The following TRANK1 variants were observed in gnomAD, a reference collection of about 807,000 sequenced individuals.
The protein encoded by TRANK1 is TPR and ankyrin repeat-containing protein 1.
Under a neutral mutation model 266.0 loss-of-function variants are expected in TRANK1, and 198 were observed. The observed-to-expected ratio is 0.74, with a 90% CI of 0.66 to 0.84. TRANK1 has a LOEUF of 0.84. Among genes scored for constraint, TRANK1 ranks in the 40% least tolerant of loss-of-function variants. The pLI is 0.00. For synonymous variants in TRANK1, 1,396 were observed against 1,384.1 expected, an observed-to-expected ratio of 1.01 and a Z score of -0.19; for missense variants, 3,326 against 3,634.6, an observed-to-expected ratio of 0.92 and a Z score of 2.18.
rs1180042549 is a variant in TRANK1 at position 36,918,606 on chromosome 3, G to GGAAAGAAAGAAAGAAAGAAAGAAA, written c.24-10176_24-10153dup. 2.2e-3 allele frequency among the ~76,000 whole-genome samples: 48 copies of GGAAAGAAAGAAAGAAAGAAAGAAA among 22,128 alleles called. 3 individuals are homozygous for GGAAAGAAAGAAAGAAAGAAAGAAA. The highest frequency in any genetic ancestry group is 2.9e-3 in the Non-Finnish European group (29 of 9,846). 14.5% of individuals were successfully genotyped at this position (22,128 alleles called of 152,430 possible). On this transcript the variant is annotated intron_variant, in intron 1 of 23. Transcript: ENST00000645898. ...AGGAAGGAAGGAAGGAAGGAAGGAA[G>GGAAAGAAAGAAAGAAAGAAAGAAA]GAAAGAAAGAAAGAAAGAAAGAAAG...
In TRANK1 at chr3:36,832,275, G is replaced by A. The variant is rs758456141; in HGVS notation, c.7308C>T (p.Val2436=). Residue 2436 remains valine (V), a synonymous_variant, in exon 22 of 24, where the codon GTC becomes GTT. Coordinates refer to ENST00000645898, the MANE Select transcript of TRANK1 (RefSeq NM_001329998.2). ...GTGGTTCTTTGCACCTCTTGATGAG[G>A]ACATTCATGAAACGGAAAAAGAGCC... is the stretch of plus-strand genomic sequence containing the variant. ...YKRLFFRFMN[V]LIKRCKEPLI... is the part of the protein sequence containing the mutation. The A allele has an allele frequency of 1.2e-6, 2 of 1,613,836 alleles. No homozygotes were observed. The highest frequency in any genetic ancestry group is 1.3e-5 in the African/African-American group (1 of 74,906).
chr3:36,834,014 C>T (rs1005100920), intron 21 of TRANK1, 95 bp from the exon 22 acceptor site: 52 of 1,245,016 alleles, frequency 4.2e-5, no homozygotes, highest in Non-Finnish European at 5.6e-5. Context: ...AAATAAAACT[C>T]CCACATGTAG....
At position 36,940,269 on chromosome 3, in the gene TRANK1, G is replaced by A. The variant is rs185204782; in HGVS notation, c.23+4518C>T. Among the ~76,000 whole-genome samples the A allele has an allele frequency of 6.7e-3, 1,021 of 151,512 alleles. 11 individuals carry two copies. Among genetic ancestry groups the A allele is most frequent in the African/African-American group, 0.023 (937 of 41,438 alleles). Reference sequence around the variant, plus strand: ...TCCCAGCACTTTGGGAGGCCGAGGCGGGTGGATCACGAGGTCAGGAGATCG... The same window carrying A: ...TCCCAGCACTTTGGGAGGCCGAGGCAGGTGGATCACGAGGTCAGGAGATCG... On this transcript the variant is annotated intron_variant, in intron 1 of 23. Coordinates refer to ENST00000645898, the MANE Select transcript of TRANK1 (RefSeq NM_001329998.2).
intron 7 of TRANK1, 143 bp from the exon 8 acceptor site, chr3:36,890,103 G>A: frequency 1.8e-6 from 2 of 1,121,312 alleles, no homozygotes; most frequent in African/African-American, 1.6e-5. Context: ...GTAACCAAAT[G>A]AGGAATCCAA....
chr3:36,883,027 G>A (rs114697031), intron 8 of TRANK1, among the ~76,000 whole-genome samples: 2,169 of 151,994 alleles, frequency 0.014, 65 homozygotes, highest in African/African-American at 0.049. Context: ...ATACATTGTC[G>A]GTGGTAACGC....
chr3:36,864,456 G>A lies in TRANK1; in HGVS notation c.1103C>T (p.Thr368Ile), dbSNP rs1041010875. The part of the protein sequence containing the change: ...LSGFSNGDGP[T>I]SENDIFRKVL... The stretch of plus-strand genomic sequence containing the variant: ...CTTCCTGAAAATGTCGTTTTCACTA[G>A]TGGGTCCATCACCATTGCTGAATCC... The change falls in exon 10 of 24, where the codon ACT becomes ATT. Residue 368 changes from threonine (T) to isoleucine (I), a missense_variant. Thr to Ile is a moderately conservative substitution (Grantham distance 89, BLOSUM62 -1). Transcript: ENST00000645898. 12 of 1,535,906 alleles carry A rather than the reference G, an allele frequency of 7.8e-6. No homozygotes were observed. The Admixed American group carries it at 1.4e-4, about 18-fold the overall frequency.
chr3:36,903,261 TCCCTCGGGGGAA>T lies in TRANK1; in HGVS notation c.158_169del (p.Val53_Arg56del). ...TTTGTTGCACAGCAGCACAGCCAAGTCCCTCGGGGGAACCCTGTAAGAACAAACCGGTGGTCT... is the reference window on the plus strand; with the variant it reads ...TTTGTTGCACAGCAGCACAGCCAAGTCCCTGTAAGAACAAACCGGTGGTCT... On this transcript the variant is annotated inframe_deletion and splice_region_variant, in exon 3 of 24. Transcript: ENST00000645898. The T allele has an allele frequency of 3.9e-6, 6 of 1,537,274 alleles. No individual in the cohort carries two copies. Among genetic ancestry groups the T allele is most frequent in the Non-Finnish European group, 5.2e-6 (6 of 1,146,906 alleles).
chr3:36,856,563 C>T lies in TRANK1; in HGVS notation c.3159G>A (p.Arg1053=), dbSNP rs752798320. ...DTTATVEYPF[R]VGELEYAVID... is the part of the protein sequence containing the mutation. Reference sequence around the variant, plus strand: ...TCACCGCGTACTCAAGCTCACCCACCCGGAAGGGGTACTCCACTGTGGCTG... The same window carrying T: ...TCACCGCGTACTCAAGCTCACCCACTCGGAAGGGGTACTCCACTGTGGCTG... The change falls in exon 13 of 24, where the codon CGG becomes CGA. Residue 1053 remains arginine (R), a synonymous_variant. Coordinates refer to ENST00000645898, the MANE Select transcript of TRANK1 (RefSeq NM_001329998.2). 8 of 1,613,870 alleles carry T rather than the reference C, an allele frequency of 5.0e-6. No homozygotes were observed. The highest frequency in any genetic ancestry group is 4.0e-5 in the African/African-American group (3 of 74,932).
Position 36,832,460 on chromosome 3 carries a change from C to T in TRANK1, c.7123G>A (p.Gly2375Arg), listed in dbSNP as rs2078709674. Residue 2375 changes from glycine (G) to arginine (R), a missense_variant, in exon 22 of 24, where the codon GGG (glycine) becomes AGG (arginine). By Grantham distance (125) the Gly-to-Arg change is moderately radical (BLOSUM62 -2). Coordinates refer to ENST00000645898, the MANE Select transcript of TRANK1 (RefSeq NM_001329998.2). ...ATTCCTTTTATCCTGCTGCCTCTCCCCCTGCCCCTTTCATCCTTTTCAGAC... is the reference window on the plus strand; with the variant it reads ...ATTCCTTTTATCCTGCTGCCTCTCCTCCTGCCCCTTTCATCCTTTTCAGAC... Reference protein sequence around the residue: ...LESEKDERGRGRGSRIKGIEG... With the variant: ...LESEKDERGRRRGSRIKGIEG... The T allele has an allele frequency of 6.2e-7, 1 of 1,613,856 alleles. No homozygotes were observed. Among genetic ancestry groups the T allele is most frequent in the Non-Finnish European group, 8.5e-7 (1 of 1,179,898 alleles).
chr3:36,873,794 C>T (rs899644045), intron 9 of TRANK1, among the ~76,000 whole-genome samples: 3 of 151,642 alleles, frequency 2.0e-5, no homozygotes, highest in Admixed American at 1.3e-4. Flanking sequence ...AAGGAATAGA[C>T]TTGATTTTGT....
At chr3:36,868,828 G>A (rs2079264124) in intron 9 of TRANK1, among the ~76,000 whole-genome samples, 1 of 152,162 alleles carries the variant, frequency 6.6e-6, no homozygotes, top group Non-Finnish European at 1.5e-5. Context: ...CACTGTCCTG[G>A]TGCTGAGCAC....
Position 36,856,190 on chromosome 3 carries a change from C to T in TRANK1, c.3532G>A (p.Val1178Ile), listed in dbSNP as rs878986783. The T allele has an allele frequency of 3.7e-6, 6 of 1,613,984 alleles. No homozygotes were observed. The highest frequency in any genetic ancestry group is 3.3e-5 in the South Asian group (3 of 91,086). The change falls in exon 13 of 24, where the codon GTA (valine) becomes ATA (isoleucine). Residue 1178 changes from valine to isoleucine, a missense_variant. Val to Ile is a conservative substitution (Grantham distance 29). Coordinates refer to ENST00000645898, the MANE Select transcript of TRANK1 (RefSeq NM_001329998.2). The stretch of plus-strand genomic sequence containing the variant: ...TGGTGGGGATGTTCTGGTGCACATA[C>T]TTCTGCAGCTTGGCCGTCCCCTGCT... The part of the protein sequence containing the change: ...EPAGDGQAAE[V>I]CAPEHPHQLE...
intron 8 of TRANK1, among the ~76,000 whole-genome samples, chr3:36,885,840 A>G (rs972432152): frequency 1.3e-5 from 2 of 152,132 alleles, no homozygotes; most frequent in Admixed American, 6.5e-5. Context: ...GTGCTGGCCT[A>G]AACTTTGATT....
intron 1 of TRANK1, among the ~76,000 whole-genome samples, chr3:36,930,781 G>C (rs1358174563): frequency 1.3e-5 from 2 of 152,118 alleles, no homozygotes; most frequent in Non-Finnish European, 2.9e-5. Flanking sequence ...GCCAAAAAAA[G>C]AGAGGGGGAC....
At chr3:36,936,099 A>G (rs115430990) in intron 1 of TRANK1, among the ~76,000 whole-genome samples, 1,973 of 152,312 alleles carry the variant, frequency 0.013, 47 homozygotes, top group African/African-American at 0.045. Flanking sequence ...CTAGTCCTGG[A>G]GATTCGAAAA....
At position 36,857,128 on chromosome 3, in the gene TRANK1, T is replaced by C; in HGVS notation, c.2594A>G (p.Gln865Arg). 3 of 1,614,022 alleles carry C rather than the reference T, an allele frequency of 1.9e-6. No individual in the cohort carries two copies. The highest frequency in any genetic ancestry group is 2.5e-6 in the Non-Finnish European group (3 of 1,179,892). Residue 865 changes from glutamine (Q) to arginine (R), a missense_variant, in exon 13 of 24, where the codon CAG becomes CGG. By Grantham distance (43) the Gln-to-Arg change is conservative. Transcript: ENST00000645898. This position sits in a 1 kb window ranked among gnomAD's most constrained non-coding sequence, Gnocchi z 4.3. Reference sequence around the variant, plus strand: ...CTGGGTCCACTCGCCATTTCCCAGCTGCTGAATGGCAAGGATGATTTTCTT... The same window carrying C: ...CTGGGTCCACTCGCCATTTCCCAGCCGCTGAATGGCAAGGATGATTTTCTT... ...IKKKIILAIQ[Q>R]LGNGEWTQGL...
At chr3:36,847,080 T>A (rs1473466482) in intron 16 of TRANK1, 120 bp downstream of exon 16, 3 of 1,221,740 alleles carry the variant, frequency 2.5e-6, no homozygotes, top group South Asian at 3.5e-5. Flanking sequence ...TATCCTCAAT[T>A]CCCCGTTGCT....
chr3:36,903,362 C>T, intron 2 of TRANK1, 87 bp from the exon 3 acceptor site: 1 of 1,461,504 alleles, frequency 6.8e-7, no homozygotes, highest in Non-Finnish European at 9.1e-7. Flanking sequence ...TGGCTGCTGC[C>T]ATCAGGAAGG....
chr3:36,899,881 C>T (rs539858600), intron 3 of TRANK1, among the ~76,000 whole-genome samples: 1 of 152,292 alleles, frequency 6.6e-6, no homozygotes, highest in South Asian at 2.1e-4. Context: ...TTGATTGAGA[C>T]AGGATCTTGC....
Sources: gnomAD v4.1 joint callset for allele counts (sites outside exome capture counted in the v4.1 genomes callset) on GRCh38, gnomAD v4.1.1 for gene constraint, Gnocchi (gnomAD v3.1) non-coding constraint, MANE v1.5 for transcripts, NCBI Gene and HGNC (gene_info 2026-07-23, HGNC 2026-07-21) for gene names.